Variants in SYNE1 observed in about 807,000 individuals in gnomAD.
The protein encoded by SYNE1 is nesprin-1.
Under a neutral mutation model 1,111.0 loss-of-function variants are expected in SYNE1, and 616 were observed. That is an observed-to-expected ratio of 0.55 (90% CI 0.52 to 0.59). SYNE1 has a LOEUF of 0.59. Ranked by LOEUF, SYNE1 falls within the 20% of genes least tolerant of loss-of-function variation. The pLI is 0.00. For missense variants in SYNE1, 10,006 were observed against 10,417.0 expected, an observed-to-expected ratio of 0.96 and a Z score of 1.72; for synonymous variants, 3,855 against 3,825.8, an observed-to-expected ratio of 1.01 and a Z score of -0.28.
In SYNE1 at chr6:152,310,842, C is replaced by T; in HGVS notation, c.16742G>A (p.Ser5581Asn). The change falls in exon 88 of 146, where the codon AGT becomes AAT. Residue 5581 changes from serine to asparagine, a missense_variant. Transcript: ENST00000367255. ...TLLEESKEID[S>N]ELEAMTEKLQ... ...TTTCTCAGTCATTGCTTCCAGCTCA[C>T]TGTCAATTTCTTTGGATTCTTCTAG... The T allele has an allele frequency of 6.2e-7, 1 of 1,614,050 alleles. No individual in the cohort carries two copies. The highest frequency in any genetic ancestry group is 1.1e-5 in the South Asian group (1 of 91,062).
In SYNE1 at chr6:152,244,612, T is replaced by G; in HGVS notation, c.19617A>C (p.Gly6539=). ...CACCACGCCTCTTTAATTCAATGAT[T>G]CCTGCATCAAATTCTTTGAGTCCAT... is the stretch of plus-strand genomic sequence containing the variant. ...AEDGLKEFDA[G]IIELKRRGDK... The change falls in exon 106 of 146, where the codon GGA becomes GGC. Residue 6539 remains glycine (G), a synonymous_variant. Transcript: ENST00000367255. 6.2e-7 allele frequency: 1 copy of G among 1,614,040 alleles called. No individual in the cohort carries two copies. Among genetic ancestry groups the G allele is most frequent in the Non-Finnish European group, 8.5e-7 (1 of 1,179,934 alleles).
At chr6:152,254,478 G>T (rs2090348925) in intron 104 of SYNE1, among the ~76,000 whole-genome samples, 1 of 151,982 alleles carries the variant, frequency 6.6e-6, no homozygotes, top group South Asian at 2.1e-4. Flanking sequence ...TCAAACTCCT[G>T]ACCTCAAATG....
chr6:152,135,031 A>G (rs2056741889), intron 142 of SYNE1, 73 bp downstream of exon 142: 2 of 1,598,034 alleles, frequency 1.3e-6, no homozygotes, highest in African/African-American at 2.7e-5. Context: ...CTTACCACTT[A>G]TATTCATTTT....
chr6:152,331,729 C>T lies in SYNE1; in HGVS notation c.12956G>A (p.Ser4319Asn), dbSNP rs2153974889. Residue 4319 changes from serine (S) to asparagine (N), a missense_variant, in exon 78 of 146, where the codon AGT becomes AAT. Around this residue, in one of 7 missense-constraint regions of SYNE1, gnomAD observed 4,955 missense variants for 5,017.2 expected, o/e 0.99. Transcript: ENST00000367255. The stretch of plus-strand genomic sequence containing the variant: ...CTGAAACCAACGTTGCTCTAAATGA[C>T]TCGTCTGTTCTTTGACTAACTCCTT... ...DDKELVKEQT[S>N]HLEQRWFQLE... 11 of 1,614,182 alleles carry T rather than the reference C, an allele frequency of 6.8e-6. No homozygotes were observed. The highest frequency in any genetic ancestry group is 9.3e-6 in the Non-Finnish European group (11 of 1,180,032).
At chr6:152,376,650 C>T in intron 57 of SYNE1, 92 bp from the exon 58 acceptor site, 1 of 1,549,196 alleles carries the variant, frequency 6.5e-7, no homozygotes, top group Admixed American at 1.7e-5. Flanking sequence ...TTAGAATGTG[C>T]ACTTACCTCA....
At chr6:152,307,574 G>A (rs762745627) in intron 91 of SYNE1, among the ~76,000 whole-genome samples, 20 of 151,966 alleles carry the variant, frequency 1.3e-4, no homozygotes, top group Non-Finnish European at 2.5e-4. Context: ...GAATTGACAG[G>A]TCAGGAAAGG....
At chr6:152,269,332 AC>A (rs777565831) in intron 98 of SYNE1, 46 bp from the exon 99 acceptor site, 4 of 1,612,944 alleles carry the variant, frequency 2.5e-6, no homozygotes, top group Non-Finnish European at 3.4e-6. Flanking sequence ...ACACCGGAAA[AC>A]CTTAACCAAA....
chr6:152,536,455 T>TTA (rs200097957), intron 4 of SYNE1, among the ~76,000 whole-genome samples: 4,012 of 123,160 alleles, frequency 0.033, 232 homozygotes, highest in African/African-American at 0.1. Flanking sequence ...TAATATATAT[T>TTA]TATATATATA....
intron 16 of SYNE1, among the ~76,000 whole-genome samples, chr6:152,466,879 T>A (rs1201329021): frequency 1.3e-5 from 2 of 152,104 alleles, no homozygotes; most frequent in African/African-American, 4.8e-5. Context: ...TATAATGAGT[T>A]CCTATGATTT....
At chr6:152,195,074 C>T (rs1185365287) in intron 127 of SYNE1, among the ~76,000 whole-genome samples, 1 of 152,094 alleles carries the variant, frequency 6.6e-6, no homozygotes, top group Non-Finnish European at 1.5e-5. Context: ...ACATGTGCCA[C>T]CATGCCTGGC....
chr6:152,189,182 C>G, intron 128 of SYNE1, 70 bp downstream of exon 128: 1 of 1,558,694 alleles, frequency 6.4e-7, no homozygotes, highest in Non-Finnish European at 8.8e-7. Flanking sequence ...TGGGTTAACC[C>G]ATCTGACGTT....
chr6:152,171,016 T>C (rs1261001062), intron 130 of SYNE1, among the ~76,000 whole-genome samples: 1 of 152,188 alleles, frequency 6.6e-6, no homozygotes, highest in Non-Finnish European at 1.5e-5. Context: ...TCTGCCACCA[T>C]GTAAGATGTG....
At chr6:152,232,048 G>T in intron 113 of SYNE1, 68 bp downstream of exon 113, 2 of 1,242,258 alleles carry the variant, frequency 1.6e-6, no homozygotes, top group Non-Finnish European at 1.2e-6. Flanking sequence ...CATAATTTGA[G>T]TTTTTTAGTT....
intron 55 of SYNE1, among the ~76,000 whole-genome samples, chr6:152,384,870 A>G (rs976626481): frequency 7.1e-6 from 1 of 140,106 alleles, no homozygotes; most frequent in African/African-American, 3.0e-5. Flanking sequence ...ACAGAGCAAG[A>G]CTCCATTTCA....
In SYNE1 at chr6:152,409,124, T is replaced by A. The variant is rs144435836; in HGVS notation, c.6484A>T (p.Ser2162Cys). 1.7e-4 allele frequency: 276 copies of A among 1,614,182 alleles called. 1 individual carries two copies. In the African/African-American group the frequency reaches 3.2e-3, roughly 19 times the overall value. The change falls in exon 44 of 146, where the codon AGT becomes TGT. Residue 2162 changes from serine (S) to cysteine (C), a missense_variant. This residue lies in a region of SYNE1 where 4,955 missense variants were observed against 5,017.2 expected (regional missense o/e 0.99). Coordinates refer to ENST00000367255, the MANE Select transcript of SYNE1 (RefSeq NM_182961.4). ...LLSELKKIHS[S>C]DFSLVKTDME... ...TCTGTTTTCACCAAGCTGAAATCAC[T>A]ACTGTGAATTTTCTTCAGCTCAGAT...
intron 128 of SYNE1, among the ~76,000 whole-genome samples, chr6:152,183,790 T>C (rs560093289): frequency 6.6e-6 from 1 of 152,254 alleles, no homozygotes; most frequent in East Asian, 1.9e-4. Flanking sequence ...ATTATCCCCA[T>C]TCCAGAGACA....
At chr6:152,516,574 T>C in intron 6 of SYNE1, among the ~76,000 whole-genome samples, 1 of 152,104 alleles carries the variant, frequency 6.6e-6, no homozygotes, top group Non-Finnish European at 1.5e-5. Context: ...TGAAAAACTC[T>C]ATCTTTATTT....
chr6:152,213,752 G>A lies in SYNE1; in HGVS notation c.22354C>T (p.Gln7452Ter). ...SQTTERFSKLQSFLLQHQTFL... is the reference protein window; with the variant it reads ...SQTTERFSKL ...GTCTGATGTTGTAGCAAAAATGACT[G>A]CAACTTGCTGAAAGAACAAAGGGCA... The change falls in exon 123 of 146, where the codon CAG becomes TAG. Residue 7452 changes from glutamine (Q) to a stop codon, truncating the protein, a stop_gained. Coordinates refer to ENST00000367255, the MANE Select transcript of SYNE1 (RefSeq NM_182961.4). LOFTEE classifies it high-confidence loss of function. 1 of 1,614,036 alleles carries A rather than the reference G, an allele frequency of 6.2e-7. No individual in the cohort carries two copies. The highest frequency in any genetic ancestry group is 8.5e-7 in the Non-Finnish European group (1 of 1,179,978).
chr6:152,620,079 C>T, intron 3 of SYNE1, among the ~76,000 whole-genome samples: 1 of 152,294 alleles, frequency 6.6e-6, no homozygotes, highest in South Asian at 2.1e-4. Flanking sequence ...ATAAAATGCA[C>T]ATACTCTTTT....
Sources: allele counts gnomAD v4.1 joint callset (sites outside exome capture counted in the v4.1 genomes callset), GRCh38; gene constraint gnomAD v4.1.1; regional missense constraint gnomAD v4.1.1; transcripts MANE v1.5; gene names NCBI Gene and HGNC (gene_info 2026-07-23, HGNC 2026-07-21).